The following SPECC1L variants were observed in gnomAD, a reference collection of about 807,000 sequenced individuals.
SPECC1L encodes the protein sperm antigen with calponin homology and coiled-coil domains 1 like.
In SPECC1L, 40 loss-of-function variants were observed where a neutral mutation model predicts 116.8. That is an observed-to-expected ratio of 0.34 (90% CI 0.27 to 0.45). The LOEUF (loss-of-function observed/expected upper bound fraction) is 0.45. Ranked by LOEUF, SPECC1L falls within the 20% of genes least tolerant of loss-of-function variation. SPECC1L has a pLI of 1.00. For missense variants in SPECC1L, 1,110 were observed against 1,373.6 expected, an observed-to-expected ratio of 0.81 and a Z score of 3.03; for synonymous variants, 504 against 500.6, an observed-to-expected ratio of 1.01 and a Z score of -0.09.
At chr22:24,318,061 C>T (rs1464863343) in intron 4 of SPECC1L, among the ~76,000 whole-genome samples, 1 of 151,240 alleles carries the variant, frequency 6.6e-6, no homozygotes, top group Non-Finnish European at 1.5e-5. Flanking sequence ...CAGAGGGGCT[C>T]CTCACATCCC....
chr22:24,344,592 CA>C (rs35725042), intron 10 of SPECC1L, among the ~76,000 whole-genome samples: 8,962 of 117,876 alleles, frequency 0.076, 663 homozygotes, highest in South Asian at 0.23. Context: ...TGCATAAGAC[CA>C]AAAAAAAAAA....
At chr22:24,356,514 T>C (rs1014421147) in intron 11 of SPECC1L, among the ~76,000 whole-genome samples, 1 of 152,174 alleles carries the variant, frequency 6.6e-6, no homozygotes, top group Non-Finnish European at 1.5e-5. Context: ...AGTGCTTGCA[T>C]GGTATATTTT....
At chr22:24,399,946 C>T (rs17004914) in intron 14 of SPECC1L, among the ~76,000 whole-genome samples, 5,122 of 152,260 alleles carry the variant, frequency 0.034, 175 homozygotes, top group African/African-American at 0.082. Context: ...CATGCTCATG[C>T]ATCATCTGAG....
chr22:24,323,891 A>T (rs2040768444), intron 5 of SPECC1L, among the ~76,000 whole-genome samples: 1 of 152,242 alleles, frequency 6.6e-6, no homozygotes, highest in Non-Finnish European at 1.5e-5. Flanking sequence ...TTAGGACAAC[A>T]TGTTAATCAT....
chr22:24,366,366 T>C (rs546081467), intron 13 of SPECC1L, among the ~76,000 whole-genome samples: 1 of 152,186 alleles, frequency 6.6e-6, no homozygotes, highest in African/African-American at 2.4e-5. Context: ...GCTAATTTTT[T>C]GTGTTTTTAG....
intron 13 of SPECC1L, among the ~76,000 whole-genome samples, 194 bp from the exon 14 acceptor site, chr22:24,369,024 G>T (rs1046285907): frequency 1.3e-5 from 2 of 152,164 alleles, no homozygotes; most frequent in East Asian, 3.8e-4. Flanking sequence ...CCTTTCTTCA[G>T]TTAGCAAAGA....
At chr22:24,307,043 A>T (rs1458171811) in intron 3 of SPECC1L, among the ~76,000 whole-genome samples, 1 of 152,124 alleles carries the variant, frequency 6.6e-6, no homozygotes, top group Admixed American at 6.5e-5. Context: ...TTGTTTATCC[A>T]TTCATCTCTC....
intron 11 of SPECC1L, among the ~76,000 whole-genome samples, chr22:24,361,799 C>A (rs114245638): frequency 0.024 from 3,684 of 151,370 alleles, 176 homozygotes; most frequent in African/African-American, 0.085. Context: ...CTGTTCCCCC[C>A]TCTCCTGCCC....
intron 11 of SPECC1L, among the ~76,000 whole-genome samples, chr22:24,348,695 A>G (rs2041354663): frequency 6.6e-6 from 1 of 152,208 alleles, no homozygotes; most frequent in Non-Finnish European, 1.5e-5. Context: ...TGAACCCACA[A>G]AGGATTTACA....
intron 12 of SPECC1L, among the ~76,000 whole-genome samples, chr22:24,365,274 C>T (rs1028625738): frequency 6.6e-6 from 1 of 152,086 alleles, no homozygotes; most frequent in African/African-American, 2.4e-5. Context: ...TCCCAAAGTT[C>T]TGGGATTATA....
Position 24,414,578 on chromosome 22 carries a change from C to G in SPECC1L, c.3309C>G (p.Asn1103Lys). 2.5e-6 allele frequency: 4 copies of G among 1,614,004 alleles called. No individual in the cohort carries two copies. The highest frequency in any genetic ancestry group is 3.4e-6 in the Non-Finnish European group (4 of 1,179,980). Residue 1103 changes from asparagine (N) to lysine (K), a missense_variant, in exon 17 of 17, where the codon AAC becomes AAG. Asn to Lys is a moderately conservative substitution (Grantham distance 94, BLOSUM62 0). Coordinates refer to ENST00000314328, the MANE Select transcript of SPECC1L (RefSeq NM_015330.6). ...MVRTERPDWQNVMLYVTAIYK... is the reference protein window; with the variant it reads ...MVRTERPDWQKVMLYVTAIYK... ...GGACTGAACGACCCGACTGGCAGAACGTGATGCTGTATGTGACGGCGATCT... is the reference window on the plus strand; with the variant it reads ...GGACTGAACGACCCGACTGGCAGAAGGTGATGCTGTATGTGACGGCGATCT...
At chr22:24,374,612 A>G (rs1231435285) in intron 14 of SPECC1L, among the ~76,000 whole-genome samples, 7 of 105,746 alleles carry the variant, frequency 6.6e-5, no homozygotes, top group Admixed American at 1.4e-4. Flanking sequence ...CATAACACAC[A>G]GGGGCCTGTT....
chr22:24,363,915 CGGTGGG>C (rs974001781), intron 12 of SPECC1L, among the ~76,000 whole-genome samples: 5 of 1,916 alleles, frequency 2.6e-3, no homozygotes, highest in Non-Finnish European at 6.0e-3. Context: ...GTAAAGTGGG[CGGTGGG>C]GGTGGGGGTG....
At chr22:24,411,529 G>C in intron 14 of SPECC1L, 59 bp from the exon 15 acceptor site, 1 of 1,486,586 alleles carries the variant, frequency 6.7e-7, no homozygotes, top group Non-Finnish European at 9.4e-7. Context: ...GTCCTCCTTG[G>C]CATCTCCTAA....
At chr22:24,366,714 G>T (rs1000528010) in intron 13 of SPECC1L, among the ~76,000 whole-genome samples, 4 of 152,246 alleles carry the variant, frequency 2.6e-5, no homozygotes, top group South Asian at 4.1e-4. Context: ...TGTTTACACT[G>T]GGAGTCTGGG....
chr22:24,321,690 C>T lies in SPECC1L; in HGVS notation c.710C>T (p.Thr237Ile). 1 of 1,614,246 alleles carries T rather than the reference C, an allele frequency of 6.2e-7. No individual in the cohort carries two copies. The highest frequency in any genetic ancestry group is 1.1e-5 in the South Asian group (1 of 91,090). Residue 237 changes from threonine to isoleucine, a missense_variant, in exon 5 of 17, where the codon ACT becomes ATT. Around this residue, in one of 4 missense-constraint regions of SPECC1L, gnomAD observed 437 missense variants for 482.6 expected, o/e 0.91. Coordinates refer to ENST00000314328, the MANE Select transcript of SPECC1L (RefSeq NM_015330.6). ...EKETIMAHQP[T>I]DVESTLLQLQ... is the part of the protein sequence containing the mutation. ...GAAACTATTATGGCTCACCAGCCGA[C>T]TGATGTGGAGTCCACTTTATTGCAG...
chr22:24,341,844 C>G (rs533414113), intron 10 of SPECC1L, among the ~76,000 whole-genome samples: 1 of 152,350 alleles, frequency 6.6e-6, no homozygotes, highest in East Asian at 1.9e-4. Flanking sequence ...TGAGCCAGCC[C>G]TGCAGAGAGG....
chr22:24,390,867 C>CTTTTTTTTTTA (rs1556306072), intron 14 of SPECC1L, among the ~76,000 whole-genome samples: 1 of 47,612 alleles, frequency 2.1e-5, no homozygotes, highest in African/African-American at 8.2e-5. Flanking sequence ...TTTTTTTTTT[C>CTTTTTTTTTTA]TTTTCTTTTT....
At chr22:24,367,643 G>C (rs896486224) in intron 13 of SPECC1L, among the ~76,000 whole-genome samples, 1 of 152,104 alleles carries the variant, frequency 6.6e-6, no homozygotes, top group Non-Finnish European at 1.5e-5. Context: ...TAGAAAAGTA[G>C]TATTTTTCCT....
Sources: allele counts gnomAD v4.1 joint callset (sites outside exome capture counted in the v4.1 genomes callset), GRCh38; gene constraint gnomAD v4.1.1; regional missense constraint gnomAD v4.1.1; transcripts MANE v1.5; gene names NCBI Gene and HGNC (gene_info 2026-07-23, HGNC 2026-07-21).